BACE1: variants seen among roughly 807,000 people sequenced by gnomAD.
BACE1 encodes the protein beta-secretase 1, also known as APP beta-secretase.
In BACE1, 21 loss-of-function variants were observed where a neutral mutation model predicts 54.0. That is an observed-to-expected ratio of 0.39 (90% CI 0.28 to 0.56). The LOEUF (loss-of-function observed/expected upper bound fraction) is 0.56, where lower values mean the gene tolerates loss of function less well. Among genes scored for constraint, BACE1 ranks in the 20% least tolerant of loss-of-function variants. BACE1 has a pLI of 0.63. For missense variants in BACE1, 511 were observed against 661.2 expected (o/e 0.77, Z 2.49); for synonymous variants, 232 against 260.9 (o/e 0.89, Z 1.07).
Position 117,293,110 on chromosome 11 carries a change from C to A in BACE1, c.784G>T (p.Val262Leu). The A allele has an allele frequency of 1.2e-6, 2 of 1,614,132 alleles. No individual in the cohort carries two copies. The highest frequency in any genetic ancestry group is 1.7e-6 in the Non-Finnish European group (2 of 1,180,030). Residue 262 changes from valine (V) to leucine (L), a missense_variant, in exon 5 of 9, where the codon GTG becomes TTG. By Grantham distance (32) the Val-to-Leu change is conservative. Around this residue, in one of 2 missense-constraint regions of BACE1, gnomAD observed 407 missense variants for 565.7 expected, o/e 0.72. Coordinates refer to ENST00000313005, the MANE Select transcript of BACE1 (RefSeq NM_012104.6). This position sits in a 1 kb window ranked among gnomAD's most constrained non-coding sequence, Gnocchi z 4.1. Reference sequence around the variant, plus strand: ...TTGATCTCCACCCGCACAATGATCACCTCATAATACCACTCCCGCCGGATG... The same window carrying A: ...TTGATCTCCACCCGCACAATGATCAACTCATAATACCACTCCCGCCGGATG... ...TPIRREWYYEVIIVRVEINGQ... is the reference protein window; with the variant it reads ...TPIRREWYYELIIVRVEINGQ...
In BACE1 at chr11:117,295,480, A is replaced by G. The variant is rs536462778; in HGVS notation, c.351-133T>C. ...GAGTCTGCTTTCAGGCTGCTCAGCA[A>G]AACATCCCTAGACTCACCACCCAGA... On this transcript the variant is annotated intron_variant, in intron 2 of 8. Coordinates refer to ENST00000313005, the MANE Select transcript of BACE1 (RefSeq NM_012104.6). 2.1e-5 allele frequency: 33 copies of G among 1,537,282 alleles called. No individual in the cohort carries two copies. The East Asian group carries it at 7.3e-4, about 34-fold the overall frequency.
intron 8 of BACE1, 40 bp downstream of exon 8, chr11:117,290,448 G>A (rs1331459742): frequency 6.2e-7 from 1 of 1,601,948 alleles, no homozygotes; most frequent in African/African-American, 1.3e-5. Flanking sequence ...AGGAAAATAT[G>A]GAGAGACTGA....
chr11:117,295,023 A>T, intron 3 of BACE1, 108 bp downstream of exon 3: 1 of 1,162,122 alleles, frequency 8.6e-7, no homozygotes, highest in Non-Finnish European at 1.3e-6. Flanking sequence ...ATAATCCTTT[A>T]AACTGATTGT....
rs1265190001 is a variant in BACE1, at chr11:117,295,116, C to T, written c.567+15G>A. 1 of 1,610,876 alleles carries T rather than the reference C, an allele frequency of 6.2e-7. No individual in the cohort carries two copies. Among genetic ancestry groups the T allele is most frequent in the African/African-American group, 1.3e-5 (1 of 74,810 alleles). On this transcript the variant is annotated intron_variant, in intron 3 of 8. Transcript: ENST00000313005. ...TGTGCATAGAGTGTGTAGGGCCAAG[C>T]CCTGTTCCTCTCACCCTGGCAATCT...
chr11:117,292,654 G>A lies in BACE1; in HGVS notation c.840+400C>T, dbSNP rs2034476724. ...TTGTTTTTACCTGTTTTGCAGATAAGGAAACTGAGACACAGAATAGTAACT... is the reference window on the plus strand; with the variant it reads ...TTGTTTTTACCTGTTTTGCAGATAAAGAAACTGAGACACAGAATAGTAACT... On this transcript the variant is annotated intron_variant, in intron 5 of 8. Coordinates refer to ENST00000313005, the MANE Select transcript of BACE1 (RefSeq NM_012104.6). The A allele has an allele frequency of 1.9e-5, 3 of 155,448 alleles. 1 individual carries two copies. In the South Asian group the frequency reaches 6.1e-4, roughly 31 times the overall value. 9.6% of individuals were successfully genotyped at this position (155,448 alleles called of 1,614,324 possible).
Position 117,286,966 on chromosome 11 carries a change from C to T in BACE1, c.*2600G>A, listed in dbSNP as rs1478201815. 3 of 152,270 alleles carry T rather than the reference C, an allele frequency of 2.0e-5. No individual in the cohort carries two copies. Among genetic ancestry groups the T allele is most frequent in the African/African-American group, 7.2e-5 (3 of 41,436 alleles). 9.4% of individuals were successfully genotyped at this position (152,270 alleles called of 1,614,324 possible). On this transcript the variant is annotated 3_prime_UTR_variant, in exon 9 of 9. Coordinates refer to ENST00000313005, the MANE Select transcript of BACE1 (RefSeq NM_012104.6). ...TCTTGTAATCTTAAGATTTCCTCTCCCCTCAACTTTACAGCAGCCTTAGGC... is the reference window on the plus strand; with the variant it reads ...TCTTGTAATCTTAAGATTTCCTCTCTCCTCAACTTTACAGCAGCCTTAGGC...
chr11:117,295,729 C>T (rs1415613185), intron 2 of BACE1: 5 of 1,424,550 alleles, frequency 3.5e-6, no homozygotes, highest in Non-Finnish European at 4.6e-6. Flanking sequence ...ACCATTGACT[C>T]TCTTACTGCC....
chr11:117,302,480 G>C (rs1199483769), intron 1 of BACE1, among the ~76,000 whole-genome samples: 1 of 152,148 alleles, frequency 6.6e-6, no homozygotes, highest in Non-Finnish European at 1.5e-5. Context: ...ACTCTGCCTG[G>C]ACCATCCTCC....
chr11:117,303,587 C>T (rs1045409459), intron 1 of BACE1, among the ~76,000 whole-genome samples: 6 of 152,222 alleles, frequency 3.9e-5, no homozygotes, highest in Non-Finnish European at 5.9e-5. Flanking sequence ...GGATGAAAAA[C>T]GCCTTCAAGG....
At chr11:117,308,334 A>G (rs1049830108) in intron 1 of BACE1, among the ~76,000 whole-genome samples, 1 of 151,778 alleles carries the variant, frequency 6.6e-6, no homozygotes, top group Non-Finnish European at 1.5e-5. Flanking sequence ...GAACAAGTCT[A>G]TTTTTTAACT....
intron 1 of BACE1, among the ~76,000 whole-genome samples, chr11:117,312,904 C>T (rs2034982047): frequency 6.6e-6 from 1 of 152,206 alleles, no homozygotes; most frequent in Non-Finnish European, 1.5e-5. Context: ...TTGAGTATAT[C>T]TGCATGGATG....
chr11:117,295,998 C>T (rs12281824), intron 2 of BACE1, among the ~76,000 whole-genome samples: 1 of 152,172 alleles, frequency 6.6e-6, no homozygotes, highest in Non-Finnish European at 1.5e-5. Flanking sequence ...GCCCTTTCAT[C>T]GATCCTACCT....
intron 1 of BACE1, among the ~76,000 whole-genome samples, chr11:117,311,801 C>T (rs1189987783): frequency 1.3e-5 from 2 of 152,092 alleles, no homozygotes; most frequent in African/African-American, 2.4e-5. Flanking sequence ...CCACCACACC[C>T]AGCTAATTTT....
At chr11:117,311,011 C>G (rs2034933739) in intron 1 of BACE1, among the ~76,000 whole-genome samples, 1 of 149,818 alleles carries the variant, frequency 6.7e-6, no homozygotes, top group Non-Finnish European at 1.5e-5. Flanking sequence ...GACAGGGTCT[C>G]TGTCATCCTC....
rs774040582 is a variant in BACE1 at position 117,295,252 on chromosome 11, G to A, written c.446C>T (p.Pro149Leu). The change falls in exon 3 of 9, where the codon CCC (proline) becomes CTC (leucine). Residue 149 changes from proline to leucine, a missense_variant. By Grantham distance (98) the Pro-to-Leu change is moderately conservative. Around this residue, in one of 2 missense-constraint regions of BACE1, gnomAD observed 407 missense variants for 565.7 expected, o/e 0.72. Transcript: ENST00000313005. Reference sequence around the variant, plus strand: ...ACGCACAGTGACGTTGGGGCCATGGGGGATGCTTACCAGGTCGGTGCCCAG... The same window carrying A: ...ACGCACAGTGACGTTGGGGCCATGGAGGATGCTTACCAGGTCGGTGCCCAG... ...GELGTDLVSI[P>L]HGPNVTVRAN... 239 of 1,614,080 alleles carry A rather than the reference G, an allele frequency of 1.5e-4. No individual in the cohort carries two copies. Among genetic ancestry groups the A allele is most frequent in the Non-Finnish European group, 2.0e-4 (235 of 1,180,048 alleles).
chr11:117,301,667 T>C (rs1458484360), intron 1 of BACE1, among the ~76,000 whole-genome samples: 1 of 151,930 alleles, frequency 6.6e-6, no homozygotes, highest in Non-Finnish European at 1.5e-5. Context: ...GTCCTTTCCA[T>C]CTGGTGGCTG....
At chr11:117,290,823 C>G (rs1040235994) in intron 7 of BACE1, 77 bp downstream of exon 7, 10 of 1,570,110 alleles carry the variant, frequency 6.4e-6, no homozygotes, top group African/African-American at 4.0e-5. Flanking sequence ...CTTCCAAGTT[C>G]TGGCAAGCCA....
chr11:117,298,945 A>G (rs1434347470), intron 1 of BACE1, among the ~76,000 whole-genome samples: 2 of 152,172 alleles, frequency 1.3e-5, no homozygotes, highest in Non-Finnish European at 2.9e-5. Context: ...AGCTGGGATT[A>G]CAAGTGTGCG....
intron 1 of BACE1, among the ~76,000 whole-genome samples, chr11:117,311,689 G>A (rs2034945960): frequency 6.6e-6 from 1 of 152,156 alleles, no homozygotes; most frequent in African/African-American, 2.4e-5. Context: ...CACCCAGGCT[G>A]GAGTGCAGTG....
Sources: gnomAD v4.1 joint callset for allele counts (sites outside exome capture counted in the v4.1 genomes callset) on GRCh38, gnomAD v4.1.1 for gene constraint, gnomAD v4.1.1 regional missense constraint, Gnocchi (gnomAD v3.1) non-coding constraint, MANE v1.5 for transcripts, NCBI Gene and HGNC (gene_info 2026-07-23, HGNC 2026-07-21) for gene names.